Variants in PTPRM observed in about 807,000 individuals in gnomAD.
PTPRM encodes receptor-type tyrosine-protein phosphatase mu.
PTPRM carries 47 observed loss-of-function variants against 186.7 expected under a neutral mutation model. The observed-to-expected ratio is 0.25, with a 90% CI of 0.20 to 0.32. PTPRM has a LOEUF of 0.32. Among genes scored for constraint, PTPRM ranks in the 10% least tolerant of loss-of-function variants. The probability of loss-of-function intolerance (pLI) is 1.00; values close to 1 mark genes in which losing one functional copy is unlikely to be tolerated. For missense variants in PTPRM, 1,494 were observed against 1,865.0 expected (o/e 0.80, Z 3.66); for synonymous variants, 668 against 674.9 (o/e 0.99, Z 0.16).
chr18:7,714,222 G>C (rs2040274195), intron 1 of PTPRM, among the ~76,000 whole-genome samples: 1 of 152,110 alleles, frequency 6.6e-6, no homozygotes, highest in African/African-American at 2.4e-5. Context: ...CTCACTGAAA[G>C]TCGCACAACT....
At chr18:8,090,602 T>G (rs1258248198) in intron 11 of PTPRM, among the ~76,000 whole-genome samples, 2 of 152,266 alleles carry the variant, frequency 1.3e-5, no homozygotes, top group Non-Finnish European at 2.9e-5. Flanking sequence ...TTTGTTGGTT[T>G]GTTTGTTTTT....
intron 14 of PTPRM, among the ~76,000 whole-genome samples, chr18:8,172,614 A>G (rs2093419625): frequency 6.6e-6 from 1 of 151,864 alleles, no homozygotes; most frequent in Non-Finnish European, 1.5e-5. Context: ...CCACTGCTCC[A>G]GAGGGGTGGG....
intron 2 of PTPRM, among the ~76,000 whole-genome samples, chr18:7,822,649 A>G (rs1411233403): frequency 6.6e-6 from 1 of 152,176 alleles, no homozygotes. Context: ...AGCATTCTCA[A>G]GTTGCTTTTG....
intron 7 of PTPRM, among the ~76,000 whole-genome samples, chr18:7,973,885 G>A (rs2147341675): frequency 6.6e-6 from 1 of 151,664 alleles, no homozygotes; most frequent in Non-Finnish European, 1.5e-5. Context: ...TCTTGTTTTA[G>A]AAGATATTTT....
intron 14 of PTPRM, among the ~76,000 whole-genome samples, chr18:8,169,607 A>C (rs1294921274): frequency 6.6e-6 from 1 of 152,164 alleles, no homozygotes. Context: ...GGCTATTATG[A>C]GATTCCGTAT....
intron 20 of PTPRM, among the ~76,000 whole-genome samples, chr18:8,308,845 C>T (rs1178129105): frequency 1.3e-5 from 2 of 152,204 alleles, no homozygotes; most frequent in Non-Finnish European, 2.9e-5. Context: ...CTTTGTTACT[C>T]CAGCCACATT....
At chr18:7,757,576 G>A (rs999710870) in intron 1 of PTPRM, among the ~76,000 whole-genome samples, 17 of 152,132 alleles carry the variant, frequency 1.1e-4, no homozygotes, top group African/African-American at 3.9e-4. Context: ...AGCCTCTGGG[G>A]CTCATCTGTT....
In PTPRM at chr18:7,906,491, T is replaced by C. The variant is rs766138709; in HGVS notation, c.469-14T>C. On this transcript the variant is annotated splice_polypyrimidine_tract_variant and intron_variant, in intron 3 of 32. Coordinates refer to ENST00000580170, the MANE Select transcript of PTPRM (RefSeq NM_001105244.2). ...AAAATGAATAAATAATGTAAATCTT[T>C]CTTAATTTTCCAGGTGATTTTTGAA... is the stretch of plus-strand genomic sequence containing the variant. The C allele has an allele frequency of 1.3e-6, 2 of 1,589,554 alleles. No homozygotes were observed. Among genetic ancestry groups the C allele is most frequent in the South Asian group, 1.1e-5 (1 of 90,548 alleles).
chr18:7,720,604 C>A (rs900602909), intron 1 of PTPRM, among the ~76,000 whole-genome samples: 1 of 152,072 alleles, frequency 6.6e-6, no homozygotes. Context: ...CCTTGCTAAC[C>A]TGATTCTGTA....
At chr18:8,151,369 C>G (rs1461134359) in intron 14 of PTPRM, among the ~76,000 whole-genome samples, 1 of 151,906 alleles carries the variant, frequency 6.6e-6, no homozygotes, top group Non-Finnish European at 1.5e-5. Context: ...AGTGGCCTTG[C>G]TGAGCTGCAG....
At chr18:7,641,344 T>C (rs2038438153) in intron 1 of PTPRM, among the ~76,000 whole-genome samples, 1 of 152,222 alleles carries the variant, frequency 6.6e-6, no homozygotes, top group African/African-American at 2.4e-5. Flanking sequence ...CTTAGAAATG[T>C]GATCAGAAAT....
At chr18:8,050,133 C>T (rs2148254682) in intron 7 of PTPRM, among the ~76,000 whole-genome samples, 1 of 152,268 alleles carries the variant, frequency 6.6e-6, no homozygotes, top group South Asian at 2.1e-4. Flanking sequence ...CCACTGTATG[C>T]ATATTGGATC....
At chr18:8,053,081 TG>T (rs2087629076) in intron 7 of PTPRM, among the ~76,000 whole-genome samples, 1 of 152,202 alleles carries the variant, frequency 6.6e-6, no homozygotes, top group African/African-American at 2.4e-5. Flanking sequence ...GTTTGTTTAG[TG>T]GTTGCCAATG....
chr18:7,677,254 C>T (rs575214153), intron 1 of PTPRM, among the ~76,000 whole-genome samples: 8 of 152,236 alleles, frequency 5.3e-5, no homozygotes, highest in East Asian at 1.9e-4. Flanking sequence ...AATATGACCA[C>T]GGGGAATTGT....
chr18:7,765,095 GA>G (rs548679402), intron 1 of PTPRM, among the ~76,000 whole-genome samples: 115 of 152,222 alleles, frequency 7.6e-4, no homozygotes, highest in African/African-American at 2.6e-3. Flanking sequence ...TTTAGGAATA[GA>G]ATAATACTAC....
At chr18:7,700,897 A>G (rs559056039) in intron 1 of PTPRM, among the ~76,000 whole-genome samples, 1 of 147,690 alleles carries the variant, frequency 6.8e-6, no homozygotes, top group Admixed American at 6.9e-5. Context: ...GAATTGCTTG[A>G]GCCCAGGAGA....
At chr18:7,673,362 T>G (rs2039262530) in intron 1 of PTPRM, among the ~76,000 whole-genome samples, 1 of 152,174 alleles carries the variant, frequency 6.6e-6, no homozygotes, top group African/African-American at 2.4e-5. Context: ...AAAGGAATAA[T>G]GAAAACTGGG....
intron 11 of PTPRM, among the ~76,000 whole-genome samples, chr18:8,105,280 A>C (rs2091467565): frequency 6.6e-6 from 1 of 151,926 alleles, no homozygotes; most frequent in African/African-American, 2.4e-5. Flanking sequence ...CCCCCACCCC[A>C]CCTGCTTTTA....
In PTPRM at chr18:8,244,004, A is replaced by G. The variant is rs554587557; in HGVS notation, c.2301-54A>G. ...GAACATCTGTCAATATACATGCCAA[A>G]GCTCTGTATCCCGTTCAAATGCATG... On this transcript the variant is annotated intron_variant, in intron 14 of 32. Coordinates refer to ENST00000580170, the MANE Select transcript of PTPRM (RefSeq NM_001105244.2). 114 of 1,518,702 alleles carry G rather than the reference A, an allele frequency of 7.5e-5. 1 individual carries two copies. In the South Asian group the frequency reaches 1.3e-3, roughly 18 times the overall value. 94.1% of individuals were successfully genotyped at this position (1,518,702 alleles called of 1,614,324 possible).
Sources: allele counts gnomAD v4.1 joint callset (sites outside exome capture counted in the v4.1 genomes callset), GRCh38; gene constraint gnomAD v4.1.1; transcripts MANE v1.5; gene names NCBI Gene and HGNC (gene_info 2026-07-23, HGNC 2026-07-21).